The following TARBP1 variants were observed in gnomAD, a reference collection of about 807,000 sequenced individuals.
TARBP1 encodes tRNA guanosine 2 -O-methyltransferase TARBP1, also known as tRNA (guanosine(18)-2'-O)-methyltransferase TARBP1.
A neutral mutation model predicts 178.6 loss-of-function variants in TARBP1; 144 were observed. The ratio of observed to expected loss-of-function variants is 0.81; its 90% CI spans 0.70 to 0.93. The LOEUF (loss-of-function observed/expected upper bound fraction) is 0.93. TARBP1 is among the 40% of genes least tolerant of loss of function. The pLI, the probability that TARBP1 is intolerant of heterozygous loss-of-function variation, is 0.00. For missense variants in TARBP1, 2,067 were observed against 2,011.7 expected, an observed-to-expected ratio of 1.03 and a Z score of -0.53; for synonymous variants, 787 against 781.0, an observed-to-expected ratio of 1.01 and a Z score of -0.13.
rs185010707 is a variant in TARBP1, at chr1:234,436,639, G to A, written c.2232+636C>T. Among the ~76,000 whole-genome samples, 384 of 152,222 alleles carry A rather than the reference G, an allele frequency of 2.5e-3. 2 individuals are homozygous for A. The highest frequency in any genetic ancestry group is 8.6e-3 in the African/African-American group (359 of 41,544). On this transcript the variant is annotated intron_variant, in intron 13 of 29. Transcript: ENST00000040877. The stretch of plus-strand genomic sequence containing the variant: ...ATTTAAATAAAAGTTCTTAAAGTAA[G>A]AATGCTTTCTTATTTTATTGGCAAT...
At chr1:234,461,537 C>T (rs2103264326) in intron 6 of TARBP1, among the ~76,000 whole-genome samples, 1 of 152,216 alleles carries the variant, frequency 6.6e-6, no homozygotes, top group Non-Finnish European at 1.5e-5. Flanking sequence ...AAACTCCCAA[C>T]CTCAGGTGAT....
intron 22 of TARBP1, among the ~76,000 whole-genome samples, chr1:234,416,539 C>G (rs114373476): frequency 0.019 from 2,856 of 152,256 alleles, 85 homozygotes; most frequent in African/African-American, 0.063. Flanking sequence ...TCAAGTAATT[C>G]TCCCGCCTCA....
rs543181099 is a variant in TARBP1, at chr1:234,478,333, C to G, written c.771G>C (p.Pro257=). The change falls in exon 1 of 30, where the codon CCG becomes CCC. Residue 257 remains proline (P), a synonymous_variant. Transcript: ENST00000040877. Reference sequence around the variant, plus strand: ...AGAAGCGCCAGCAGCGCCGGGCGTCCGGGCCCGCCTCGCGCGCGCCGCGGG... The same window carrying G: ...AGAAGCGCCAGCAGCGCCGGGCGTCGGGGCCCGCCTCGCGCGCGCCGCGGG... ...DRARGAREAG[P]DARRCWRFWR... 7.6e-6 allele frequency: 10 copies of G among 1,321,762 alleles called. No homozygotes were observed. The Admixed American group carries it at 3.3e-4, about 44-fold the overall frequency. The allele number at this position is 1,321,762 out of a possible 1,614,324, so 81.9% of individuals were successfully genotyped here. A position where few individuals can be genotyped will look rare whatever the true frequency, so the allele number is the denominator to read the frequency against.
At chr1:234,392,691 T>A (rs1235742102) in intron 28 of TARBP1, 139 bp from the exon 29 acceptor site, 32 of 591,534 alleles carry the variant, frequency 5.4e-5, no homozygotes, top group Non-Finnish European at 7.3e-5. Flanking sequence ...AAAAAAGAAC[T>A]CTCCCAACAT....
chr1:234,394,093 A>G (rs75909959), intron 26 of TARBP1, among the ~76,000 whole-genome samples: 447 of 152,296 alleles, frequency 2.9e-3, no homozygotes, highest in African/African-American at 0.01. Context: ...CATGAGATAC[A>G]CGTTTTTTCA....
intron 9 of TARBP1, among the ~76,000 whole-genome samples, chr1:234,454,796 C>T (rs1351571829): frequency 1.3e-5 from 2 of 152,142 alleles, no homozygotes; most frequent in African/African-American, 4.8e-5. Context: ...CCAAAGATAC[C>T]GAGGTCCTAA....
chr1:234,425,924 T>G, intron 19 of TARBP1, 131 bp from the exon 20 acceptor site: 1 of 648,852 alleles, frequency 1.5e-6, no homozygotes, highest in Non-Finnish European at 2.6e-6. Flanking sequence ...GGTCCATACT[T>G]AATGACAATA....
chr1:234,393,888 ATATATT>A (rs1159207201), intron 26 of TARBP1, 51 bp from the exon 27 acceptor site: 1 of 1,385,054 alleles, frequency 7.2e-7, no homozygotes, highest in South Asian at 1.3e-5. Context: ...CTGAATCTCT[ATATATT>A]TATGTATACA....
intron 20 of TARBP1, among the ~76,000 whole-genome samples, chr1:234,423,748 A>AC (rs1663379566): frequency 7.6e-6 from 1 of 130,982 alleles, no homozygotes; most frequent in Non-Finnish European, 1.6e-5. Flanking sequence ...TTTTTTCTGA[A>AC]TTTTTTTTTT....
intron 19 of TARBP1, 42 bp downstream of exon 19, chr1:234,427,275 T>C: frequency 1.5e-6 from 2 of 1,377,650 alleles, no homozygotes; most frequent in Non-Finnish European, 2.0e-6. Context: ...AAATTTTTAG[T>C]ATCTCATTTA....
rs967430947 is a variant in TARBP1, at chr1:234,434,700, G to A, written c.2233-1129C>T. The stretch of plus-strand genomic sequence containing the variant: ...TCTGAGGTGGAGACAGAGATTTGAG[G>A]GTCCCTGGCAGAACTGAAGCTGGGG... On this transcript the variant is annotated intron_variant, in intron 13 of 29. Coordinates refer to ENST00000040877, the MANE Select transcript of TARBP1 (RefSeq NM_005646.4). Among the ~76,000 whole-genome samples the A allele has an allele frequency of 2.6e-5, 4 of 152,158 alleles. No individual in the cohort carries two copies. In the East Asian group the frequency reaches 5.8e-4, roughly 22 times the overall value.
chr1:234,460,031 G>GCA (rs1369134444), intron 7 of TARBP1, among the ~76,000 whole-genome samples: 1 of 151,918 alleles, frequency 6.6e-6, no homozygotes, highest in East Asian at 1.9e-4. Context: ...AAATTCAACA[G>GCA]CACATACTTC....
At chr1:234,432,047 G>C (rs1194189452) in intron 14 of TARBP1, among the ~76,000 whole-genome samples, 1 of 149,286 alleles carries the variant, frequency 6.7e-6, no homozygotes, top group African/African-American at 2.5e-5. Flanking sequence ...TGAGGCAGGA[G>C]AATCGCTTGA....
At chr1:234,477,428 T>C (rs1360844893) in intron 1 of TARBP1, among the ~76,000 whole-genome samples, 1 of 152,220 alleles carries the variant, frequency 6.6e-6, no homozygotes, top group East Asian at 1.9e-4. Flanking sequence ...GTTGAAAAAG[T>C]AGAAATATTC....
At chr1:234,440,484 A>C (rs1665478610) in intron 12 of TARBP1, among the ~76,000 whole-genome samples, 1 of 151,920 alleles carries the variant, frequency 6.6e-6, no homozygotes, top group African/African-American at 2.4e-5. Flanking sequence ...CACATGAGTA[A>C]GCACGCACAC....
At chr1:234,472,284 G>A (rs990556951) in intron 2 of TARBP1, among the ~76,000 whole-genome samples, 7 of 135,850 alleles carry the variant, frequency 5.2e-5, no homozygotes, top group Admixed American at 2.5e-4. Context: ...AGCTGAGATC[G>A]TGCCACTGAA....
intron 1 of TARBP1, 132 bp downstream of exon 1, chr1:234,478,041 G>A: frequency 3.5e-6 from 3 of 866,414 alleles, no homozygotes; most frequent in Non-Finnish European, 5.2e-6. Flanking sequence ...CTTTAGGGGA[G>A]CAACGCGGAA....
intron 24 of TARBP1, among the ~76,000 whole-genome samples, chr1:234,403,274 C>T (rs1055533926): frequency 3.3e-5 from 5 of 152,158 alleles, no homozygotes; most frequent in East Asian, 3.9e-4. Flanking sequence ...TGGGGCTGGC[C>T]GTTCCCAAAC....
At chr1:234,403,937 C>G (rs962725725) in intron 24 of TARBP1, among the ~76,000 whole-genome samples, 1 of 152,168 alleles carries the variant, frequency 6.6e-6, no homozygotes. Context: ...ATCCACCTAC[C>G]TTGGCCTCCC....
Sources: gnomAD v4.1 joint callset for allele counts (sites outside exome capture counted in the v4.1 genomes callset) on GRCh38, gnomAD v4.1.1 for gene constraint, MANE v1.5 for transcripts, NCBI Gene and HGNC (gene_info 2026-07-23, HGNC 2026-07-21) for gene names.